Variants in TSFM observed in about 807,000 individuals in gnomAD.
The protein encoded by TSFM is elongation factor Ts, mitochondrial.
Under a neutral mutation model 33.4 loss-of-function variants are expected in TSFM, and 29 were observed. The ratio of observed to expected loss-of-function variants is 0.87; its 90% CI spans 0.65 to 1.18. The LOEUF (loss-of-function observed/expected upper bound fraction) is 1.18. Ranked by LOEUF, TSFM falls within the 50% of genes most tolerant of loss-of-function variation. The probability of loss-of-function intolerance (pLI) is 0.00; values close to 1 mark genes in which losing one functional copy is unlikely to be tolerated. For missense variants in TSFM, 394 were observed against 395.6 expected (o/e 1.00, Z 0.04); for synonymous variants, 178 against 163.5 (o/e 1.09, Z -0.68).
chr12:57,798,910 C>T (rs558790839), downstream of TSFM, among the ~76,000 whole-genome samples: 18 of 152,252 alleles, frequency 1.2e-4, no homozygotes, highest in Non-Finnish European at 2.4e-4. Context: ...CCACCGTGCC[C>T]GGCCAAGAAA....
intron 5 of TSFM, among the ~76,000 whole-genome samples, chr12:57,795,272 G>GT (rs1401273302): frequency 6.6e-6 from 1 of 151,032 alleles, no homozygotes; most frequent in Non-Finnish European, 1.5e-5. Flanking sequence ...CTAATTTTTT[G>GT]TATTTTTAGT....
intron 4 of TSFM, among the ~76,000 whole-genome samples, chr12:57,787,384 C>T (rs945203803): frequency 1.1e-4 from 17 of 152,066 alleles, no homozygotes; most frequent in Admixed American, 9.8e-4. Context: ...TTTAATTTAT[C>T]TGTGTGTTGT....
rs2140429688 is a variant in TSFM, at chr12:57,796,838, T to G, written c.*255T>G. 8.8e-7 allele frequency: 1 copy of G among 1,133,370 alleles called. No individual in the cohort carries two copies. The highest frequency in any genetic ancestry group is 1.6e-5 in the African/African-American group (1 of 62,488). 70.2% of individuals were successfully genotyped at this position (1,133,370 alleles called of 1,614,324 possible). A position where few individuals can be genotyped will look rare whatever the true frequency, so the allele number is the denominator to read the frequency against. ...AGGCATCAACAATACTGCTGCTCCC[T>G]TCAACATAGATTTATTATGGTATTT... On this transcript the variant is annotated 3_prime_UTR_variant, in exon 6 of 6. Coordinates refer to ENST00000652027, the MANE Select transcript of TSFM (RefSeq NM_005726.6).
chr12:57,796,517 G>A lies in TSFM; in HGVS notation c.912G>A (p.Gly304=). The change falls in exon 6 of 6, where the codon GGG becomes GGA. Residue 304 remains glycine, a synonymous_variant. Transcript: ENST00000652027. ...ITLGQYVQPQ[G]VSVVDFVRFE... is the part of the protein sequence containing the mutation. The stretch of plus-strand genomic sequence containing the variant: ...TGGGGCAGTATGTGCAGCCTCAGGG[G>A]GTGTCGGTAGTAGACTTTGTGCGGT... 1 of 1,521,064 alleles carries A rather than the reference G, an allele frequency of 6.6e-7. No individual in the cohort carries two copies. Among genetic ancestry groups the A allele is most frequent in the East Asian group, 2.3e-5 (1 of 43,998 alleles). 94.2% of individuals were successfully genotyped at this position (1,521,064 alleles called of 1,614,324 possible).
chr12:57,792,223 G>A (rs938743744), intron 4 of TSFM, among the ~76,000 whole-genome samples: 1 of 148,810 alleles, frequency 6.7e-6, no homozygotes, highest in Non-Finnish European at 1.5e-5. Flanking sequence ...CAGCCTGGGC[G>A]GCAGAGCGAG....
chr12:57,800,167 G>A (rs1955818487), downstream of TSFM: 2 of 412,206 alleles, frequency 4.9e-6, no homozygotes, highest in Admixed American at 3.7e-5. Flanking sequence ...TGTATAGCTA[G>A]TTTGGCATAC....
At chr12:57,787,276 AAT>A in intron 4 of TSFM, 114 bp downstream of exon 4, 1 of 1,103,138 alleles carries the variant, frequency 9.1e-7, no homozygotes, top group Non-Finnish European at 1.3e-6. Flanking sequence ...TCTCTGCTTA[AAT>A]GCTATCTCTT....
chr12:57,793,233 C>CT (rs947862578), intron 5 of TSFM, among the ~76,000 whole-genome samples, 160 bp downstream of exon 5: 8 of 149,344 alleles, frequency 5.4e-5, no homozygotes, highest in Admixed American at 6.7e-5. Context: ...CATTAGGCAT[C>CT]TTTTTTTTTT....
rs1355778037 is a variant in TSFM at position 57,797,098 on chromosome 12, TGGTAGACACACTGG to T, written c.*516_*529del. 1 of 985,500 alleles carries T rather than the reference TGGTAGACACACTGG, an allele frequency of 1.0e-6. No individual in the cohort carries two copies. Among genetic ancestry groups the T allele is most frequent in the Non-Finnish European group, 1.2e-6 (1 of 829,978 alleles). 61.0% of individuals were successfully genotyped at this position (985,500 alleles called of 1,614,324 possible). A position where few individuals can be genotyped will look rare whatever the true frequency, so the allele number is the denominator to read the frequency against. The stretch of plus-strand genomic sequence containing the variant: ...AGTATGCTTTGAAGGTGCTCTGCAG[TGGTAGACACACTGG>T]TTCTGGCCTCATTTAATGAAATTAA... On this transcript the variant is annotated 3_prime_UTR_variant, in exon 6 of 6. Transcript: ENST00000652027.
At position 57,796,834 on chromosome 12, in the gene TSFM, T is replaced by C; in HGVS notation, c.*251T>C. 8.7e-7 allele frequency: 1 copy of C among 1,143,294 alleles called. No individual in the cohort carries two copies. Among genetic ancestry groups the C allele is most frequent in the Non-Finnish European group, 1.1e-6 (1 of 933,702 alleles). 70.8% of individuals were successfully genotyped at this position (1,143,294 alleles called of 1,614,324 possible). On this transcript the variant is annotated 3_prime_UTR_variant, in exon 6 of 6. Transcript: ENST00000652027. ...GAACAGGCATCAACAATACTGCTGC[T>C]CCCTTCAACATAGATTTATTATGGT...
At chr12:57,786,319 A>G (rs1454833164) in intron 3 of TSFM, 28 bp downstream of exon 3, 6 of 1,604,496 alleles carry the variant, frequency 3.7e-6, no homozygotes, top group Non-Finnish European at 5.1e-6. Flanking sequence ...CCAGATACCA[A>G]GAACAGCTGT....
chr12:57,796,148 G>T, intron 5 of TSFM, 29 bp from the exon 6 acceptor site: 2 of 1,546,458 alleles, frequency 1.3e-6, no homozygotes, highest in Non-Finnish European at 1.7e-6. Context: ...ATTTGTTGGT[G>T]TGTTGGTTTT....
At chr12:57,802,085 C>T, downstream of TSFM, 1 of 1,512,506 alleles carries the variant, frequency 6.6e-7, no homozygotes, top group Non-Finnish European at 9.1e-7. Context: ...TGAATCAGTA[C>T]TCCACCTTCC....
chr12:57,791,695 C>T (rs1222006073), intron 4 of TSFM, among the ~76,000 whole-genome samples: 1 of 152,044 alleles, frequency 6.6e-6, no homozygotes, highest in Non-Finnish European at 1.5e-5. Flanking sequence ...GTTTAATCTC[C>T]TGCTATGTTT....
downstream of TSFM, chr12:57,802,506 C>G: frequency 1.1e-6 from 1 of 874,428 alleles, no homozygotes; most frequent in Non-Finnish European, 1.8e-6. Context: ...AAGGTTTTCC[C>G]AGAATCAGCT....
At chr12:57,789,825 C>T (rs534816699) in intron 4 of TSFM, among the ~76,000 whole-genome samples, 165 of 152,254 alleles carry the variant, frequency 1.1e-3, no homozygotes, top group Non-Finnish European at 1.9e-3. Context: ...AAATTATCTG[C>T]GGATTTGATC....
chr12:57,783,778 A>T (rs1265628618), intron 2 of TSFM: 15 of 577,100 alleles, frequency 2.6e-5, no homozygotes, highest in African/African-American at 5.7e-5. Flanking sequence ...TTTATTTTTT[A>T]TTTTTTTTTG....
Position 57,788,109 on chromosome 12 carries a change from C to T in TSFM, c.483+947C>T, listed in dbSNP as rs527812331. 3.2e-4 allele frequency among the ~76,000 whole-genome samples: 49 copies of T among 152,140 alleles called. 2 individuals are homozygous for T. Among genetic ancestry groups the T allele is most frequent in the African/African-American group, 1.2e-3 (48 of 41,522 alleles). The stretch of plus-strand genomic sequence containing the variant: ...TACCAACTTTTTTTATCTTCTTTAT[C>T]CTTCTCTTGAGATGTCTTGGTAAAT... On this transcript the variant is annotated intron_variant, in intron 4 of 5. Transcript: ENST00000652027.
intron 1 of TSFM, 30 bp downstream of exon 1, chr12:57,782,888 G>C: frequency 6.4e-7 from 1 of 1,573,192 alleles, no homozygotes; most frequent in Non-Finnish European, 8.6e-7. Context: ...GTACCGACCT[G>C]CTGTCCCTGC....
Sources: allele counts gnomAD v4.1 joint callset (sites outside exome capture counted in the v4.1 genomes callset), GRCh38; gene constraint gnomAD v4.1.1; transcripts MANE v1.5; gene names NCBI Gene and HGNC (gene_info 2026-07-23, HGNC 2026-07-21).